The following GVQW3 variants were observed in gnomAD, a reference collection of about 807,000 sequenced individuals.
GVQW3 encodes the protein protein GVQW3.
GVQW3 carries 7 observed loss-of-function variants against 12.5 expected under a neutral mutation model. That is an observed-to-expected ratio of 0.56 (90% CI 0.32 to 1.05). The LOEUF (loss-of-function observed/expected upper bound fraction) is 1.05, where lower values mean the gene tolerates loss of function less well. Ranked by LOEUF, GVQW3 falls within the 50% of genes least tolerant of loss-of-function variation. The pLI is 0.04. For missense variants in GVQW3, 188 were observed against 190.8 expected (o/e 0.99, Z 0.09); for synonymous variants, 71 against 67.2 (o/e 1.06, Z -0.28).
At chr11:76,401,438 C>T (rs964306792) in intron 1 of GVQW3, among the ~76,000 whole-genome samples, 3 of 151,998 alleles carry the variant, frequency 2.0e-5, no homozygotes, top group Non-Finnish European at 4.4e-5. Flanking sequence ...GGTCTTGCTC[C>T]AGCCTAACCT....
In GVQW3 at chr11:76,406,330, G is replaced by A. The variant is rs1275843441; in HGVS notation, c.*2572G>A. ...TCCCTGGGGCTATCCACAGAGTAAC[G>A]ATGAAGTCATGAGAGGAGGTTCAAT... On this transcript the variant is annotated 3_prime_UTR_variant, in exon 2 of 2. Coordinates refer to ENST00000529331, the MANE Select transcript of GVQW3 (RefSeq NM_001347885.2). 1.3e-5 allele frequency: 2 copies of A among 152,338 alleles called. No individual in the cohort carries two copies. Among genetic ancestry groups the A allele is most frequent in the African/African-American group, 4.8e-5 (2 of 41,456 alleles). The allele number at this position is 152,338 out of a possible 1,614,324, so 9.4% of individuals were successfully genotyped here. A position where few individuals can be genotyped will look rare whatever the true frequency, so the allele number is the denominator to read the frequency against.
At chr11:76,382,552 A>T (rs1229107055) in intron 1 of GVQW3, 2 of 594,916 alleles carry the variant, frequency 3.4e-6, no homozygotes, top group Non-Finnish European at 6.0e-6. Context: ...AGTCTTCACC[A>T]CTCCTCCCTA....
chr11:76,394,626 A>G lies in GVQW3; in HGVS notation c.466-9034A>G, dbSNP rs1261197358. Among the ~76,000 whole-genome samples, 4 of 152,182 alleles carry G rather than the reference A, an allele frequency of 2.6e-5. No individual in the cohort carries two copies. The East Asian group carries it at 7.7e-4, about 29-fold the overall frequency. On this transcript the variant is annotated intron_variant, in intron 1 of 1. Transcript: ENST00000529331. ...CTTGGGTTGCTTCCAAATCTTGGCT[A>G]TTGTGAATGGTGCTGCAAAAAACAT... is the stretch of plus-strand genomic sequence containing the variant.
In GVQW3 at chr11:76,381,619, C is replaced by A; in HGVS notation, c.-210C>A. 1 of 494,158 alleles carries A rather than the reference C, an allele frequency of 2.0e-6. No individual in the cohort carries two copies. Among genetic ancestry groups the A allele is most frequent in the Non-Finnish European group, 3.5e-6 (1 of 282,132 alleles). 30.6% of individuals were successfully genotyped at this position (494,158 alleles called of 1,614,324 possible). A position where few individuals can be genotyped will look rare whatever the true frequency, so the allele number is the denominator to read the frequency against. ...GATTTAATTTTTCCCAGCTTTGCAG[C>A]GACTGTTGGCTTCCCAGAACGGATC... On this transcript the variant is annotated 5_prime_UTR_variant, in exon 1 of 2. Coordinates refer to ENST00000529331, the MANE Select transcript of GVQW3 (RefSeq NM_001347885.2).
Position 76,381,560 on chromosome 11 carries a change from C to G in GVQW3, c.-269C>G, listed in dbSNP as rs1026855609. The G allele has an allele frequency of 2.7e-6, 1 of 375,196 alleles. No homozygotes were observed. Among genetic ancestry groups the G allele is most frequent in the Non-Finnish European group, 4.8e-6 (1 of 207,948 alleles). 23.2% of individuals were successfully genotyped at this position (375,196 alleles called of 1,614,324 possible). On this transcript the variant is annotated 5_prime_UTR_variant, in exon 1 of 2. Coordinates refer to ENST00000529331, the MANE Select transcript of GVQW3 (RefSeq NM_001347885.2). ...GACTGGCAAACTCTCGGCAGATGTGCGTGCACTGGTTTGATGCAGACGTGG... is the reference window on the plus strand; with the variant it reads ...GACTGGCAAACTCTCGGCAGATGTGGGTGCACTGGTTTGATGCAGACGTGG...
intron 1 of GVQW3, among the ~76,000 whole-genome samples, chr11:76,393,731 C>G (rs1946914860): frequency 1.3e-5 from 2 of 151,644 alleles, no homozygotes; most frequent in African/African-American, 4.9e-5. Flanking sequence ...TTAGCTTTAG[C>G]TTTTGTGGAT....
At chr11:76,410,292 C>G (rs970963008), downstream of GVQW3, among the ~76,000 whole-genome samples, 1 of 152,132 alleles carries the variant, frequency 6.6e-6, no homozygotes, top group Non-Finnish European at 1.5e-5. Flanking sequence ...TAAGAAGAAA[C>G]AGAACTAAGA....
chr11:76,395,925 G>T (rs1486921098), intron 1 of GVQW3, among the ~76,000 whole-genome samples: 1 of 152,150 alleles, frequency 6.6e-6, no homozygotes, highest in Admixed American at 6.5e-5. Context: ...AGTGTTGAGG[G>T]CACCCGAAAC....
chr11:76,385,241 G>A (rs1028305310), intron 1 of GVQW3, among the ~76,000 whole-genome samples: 1 of 152,144 alleles, frequency 6.6e-6, no homozygotes, highest in Admixed American at 6.5e-5. Flanking sequence ...TTCACATTTG[G>A]CTGCTCAGAA....
At chr11:76,401,646 G>A (rs1236480718) in intron 1 of GVQW3, among the ~76,000 whole-genome samples, 1 of 151,918 alleles carries the variant, frequency 6.6e-6, no homozygotes, top group Non-Finnish European at 1.5e-5. Flanking sequence ...GGTGGCGCAT[G>A]CCTGTAATCC....
At chr11:76,393,061 C>T (rs188084180) in intron 1 of GVQW3, among the ~76,000 whole-genome samples, 6 of 152,230 alleles carry the variant, frequency 3.9e-5, no homozygotes, top group East Asian at 3.9e-4. Flanking sequence ...TTATAAATGC[C>T]GCTATACTGT....
intron 1 of GVQW3, among the ~76,000 whole-genome samples, chr11:76,402,994 C>G (rs1033820444): frequency 3.9e-5 from 6 of 152,156 alleles, no homozygotes; most frequent in Admixed American, 3.9e-4. Context: ...GTCGCCCAGG[C>G]TGGAGTGCAG....
At chr11:76,390,887 G>C (rs1050407681) in intron 1 of GVQW3, among the ~76,000 whole-genome samples, 1 of 151,986 alleles carries the variant, frequency 6.6e-6, no homozygotes, top group African/African-American at 2.4e-5. Context: ...ATTATTAGAT[G>C]TGAGGCTTAC....
downstream of GVQW3, among the ~76,000 whole-genome samples, chr11:76,410,557 G>A (rs1165342591): frequency 6.6e-6 from 1 of 152,134 alleles, no homozygotes; most frequent in Non-Finnish European, 1.5e-5. Context: ...ATGAATGTGT[G>A]AATGAATGCT....
At chr11:76,400,418 TTTTG>T (rs200671319) in intron 1 of GVQW3, among the ~76,000 whole-genome samples, 4,039 of 150,276 alleles carry the variant, frequency 0.027, 78 homozygotes, top group East Asian at 0.077. Context: ...CTGGCCCTTT[TTTTG>T]TTTGTTTGTT....
At chr11:76,398,532 C>T (rs562672136) in intron 1 of GVQW3, among the ~76,000 whole-genome samples, 1 of 152,218 alleles carries the variant, frequency 6.6e-6, no homozygotes, top group African/African-American at 2.4e-5. Context: ...AGGGTGATCT[C>T]GAACTCCTGA....
At chr11:76,401,595 A>C (rs1187349366) in intron 1 of GVQW3, among the ~76,000 whole-genome samples, 1 of 151,952 alleles carries the variant, frequency 6.6e-6, no homozygotes, top group East Asian at 1.9e-4. Flanking sequence ...CCAAATGGTG[A>C]AACCTCGTCT....
At chr11:76,399,798 T>C (rs1231113237) in intron 1 of GVQW3, among the ~76,000 whole-genome samples, 1 of 152,088 alleles carries the variant, frequency 6.6e-6, no homozygotes, top group Non-Finnish European at 1.5e-5. Flanking sequence ...AGCTCTTTTT[T>C]TGGGTCTCAA....
rs151187319 is a variant in GVQW3, at chr11:76,402,036, T to TA, written c.466-1623dup. 6.8e-4 allele frequency among the ~76,000 whole-genome samples: 104 copies of TA among 152,226 alleles called. 1 individual carries two copies. Among genetic ancestry groups the TA allele is most frequent in the African/African-American group, 2.4e-3 (99 of 41,542 alleles). On this transcript the variant is annotated intron_variant, in intron 1 of 1. Coordinates refer to ENST00000529331, the MANE Select transcript of GVQW3 (RefSeq NM_001347885.2). The stretch of plus-strand genomic sequence containing the variant: ...AGCCCAGCTTCCAATCTCAGGGCTT[T>TA]ATCTCAGTTCCAACTTGCTCACCTG...
Sources: gnomAD v4.1 joint callset for allele counts (sites outside exome capture counted in the v4.1 genomes callset) on GRCh38, gnomAD v4.1.1 for gene constraint, MANE v1.5 for transcripts, NCBI Gene and HGNC (gene_info 2026-07-23, HGNC 2026-07-21) for gene names.